ANKRD30BL: variants seen among roughly 807,000 people sequenced by gnomAD.
ANKRD30BL encodes ankyrin repeat domain 30B like.
Under a neutral mutation model 18.4 loss-of-function variants are expected in ANKRD30BL, and 20 were observed. The ratio of observed to expected loss-of-function variants is 1.09; its 90% CI spans 0.77 to 1.58. ANKRD30BL has a LOEUF of 1.58. Among genes scored for constraint, ANKRD30BL ranks in the 40% most tolerant of loss-of-function variants. ANKRD30BL has a pLI of 0.00. For synonymous variants in ANKRD30BL, 72 were observed against 100.9 expected, an observed-to-expected ratio of 0.71 and a Z score of 1.72; for missense variants, 224 against 268.6, an observed-to-expected ratio of 0.83 and a Z score of 1.16.
intron 1 of ANKRD30BL, among the ~76,000 whole-genome samples, chr2:132,191,329 A>G (rs370816871): frequency 3.3e-5 from 5 of 152,086 alleles, no homozygotes; most frequent in African/African-American, 1.2e-4. Flanking sequence ...CCATTTACAA[A>G]TGTTTCTATT....
chr2:132,254,182 C>T (rs1326968048), intron 1 of ANKRD30BL, among the ~76,000 whole-genome samples: 3 of 152,138 alleles, frequency 2.0e-5, no homozygotes, highest in African/African-American at 7.2e-5. Flanking sequence ...ACACGCATGT[C>T]TCTTTCTACC....
At chr2:132,189,759 A>C (rs1455780991) in intron 1 of ANKRD30BL, among the ~76,000 whole-genome samples, 1 of 152,204 alleles carries the variant, frequency 6.6e-6, no homozygotes, top group East Asian at 1.9e-4. Flanking sequence ...TAAAAGAAGG[A>C]ATTTTGGCAA....
intron 1 of ANKRD30BL, among the ~76,000 whole-genome samples, chr2:132,215,145 G>T (rs952588186): frequency 6.6e-6 from 1 of 151,888 alleles, no homozygotes; most frequent in Non-Finnish European, 1.5e-5. Flanking sequence ...GTGGACATTT[G>T]GAGCGCTTTG....
chr2:132,164,053 T>C (rs1370438819), upstream of ANKRD30BL, among the ~76,000 whole-genome samples: 1 of 152,172 alleles, frequency 6.6e-6, no homozygotes, highest in Non-Finnish European at 1.5e-5. Context: ...CTTGCTTACA[T>C]GTAACCTCCC....
intron 4 of ANKRD30BL, among the ~76,000 whole-genome samples, chr2:132,151,633 AAT>A (rs1687760723): frequency 1.3e-5 from 2 of 151,854 alleles, no homozygotes; most frequent in African/African-American, 4.8e-5. Context: ...AAACAAAAAA[AAT>A]GTTTTTCTTC....
intron 1 of ANKRD30BL, among the ~76,000 whole-genome samples, chr2:132,173,804 G>T (rs141309581): frequency 0.038 from 5,787 of 152,116 alleles, 370 homozygotes; most frequent in African/African-American, 0.13. Flanking sequence ...TTATTATTAA[G>T]CAGAGAAAAT....
chr2:132,234,885 A>G (rs1404502370), intron 1 of ANKRD30BL, among the ~76,000 whole-genome samples: 3 of 152,200 alleles, frequency 2.0e-5, no homozygotes, highest in African/African-American at 7.2e-5. Flanking sequence ...CACAACCAAA[A>G]AAGAGAATTT....
chr2:132,236,020 T>C (rs1008980983), intron 1 of ANKRD30BL, among the ~76,000 whole-genome samples: 3 of 152,026 alleles, frequency 2.0e-5, no homozygotes, highest in Admixed American at 1.3e-4. Flanking sequence ...AACAGAGCCC[T>C]CAGAAATAAT....
upstream of ANKRD30BL, among the ~76,000 whole-genome samples, chr2:132,166,636 AGTCAT>A (rs1688192117): frequency 4.6e-5 from 7 of 152,100 alleles, no homozygotes; most frequent in Admixed American, 3.9e-4. Context: ...CAAAATCAGT[AGTCAT>A]AACCCATACC....
In ANKRD30BL at chr2:132,215,021, A is replaced by G. The variant is rs187227378; in HGVS notation, n.441+42508T>C. On this transcript the variant is annotated intron_variant and non_coding_transcript_variant, in intron 1 of 4. Coordinates refer to the ANKRD30BL transcript ENST00000470729. The stretch of plus-strand genomic sequence containing the variant: ...GGAAAAAGAAATATCTTCCCATAAA[A>G]ACTAGATATAATCATCCTGAGAAAA... Among the ~76,000 whole-genome samples the G allele has an allele frequency of 1.6e-3, 239 of 152,076 alleles. 1 individual carries two copies. Among genetic ancestry groups the G allele is most frequent in the African/African-American group, 5.4e-3 (225 of 41,516 alleles).
chr2:132,255,015 T>C (rs1468270657), intron 1 of ANKRD30BL, among the ~76,000 whole-genome samples: 2 of 152,148 alleles, frequency 1.3e-5, no homozygotes, highest in African/African-American at 4.8e-5. Context: ...TCCTTTAAGT[T>C]TCAGCTTTGC....
At chr2:132,205,070 C>T (rs994606655) in intron 1 of ANKRD30BL, among the ~76,000 whole-genome samples, 27 of 152,288 alleles carry the variant, frequency 1.8e-4, no homozygotes, top group East Asian at 1.4e-3. Flanking sequence ...ATGAATACAA[C>T]TCGCAAAACA....
At chr2:132,196,099 G>A (rs1317799630) in intron 1 of ANKRD30BL, among the ~76,000 whole-genome samples, 3 of 148,258 alleles carry the variant, frequency 2.0e-5, no homozygotes, top group African/African-American at 7.5e-5. Flanking sequence ...CTGAGATCGC[G>A]CCACTGCACG....
chr2:132,236,518 G>GA (rs1160411855), intron 1 of ANKRD30BL, among the ~76,000 whole-genome samples: 1 of 152,016 alleles, frequency 6.6e-6, no homozygotes, highest in Non-Finnish European at 1.5e-5. Flanking sequence ...AAAAACACAT[G>GA]AAAAAATGCT....
chr2:132,225,803 T>C (rs547949931), intron 1 of ANKRD30BL, among the ~76,000 whole-genome samples: 18 of 152,134 alleles, frequency 1.2e-4, no homozygotes, highest in African/African-American at 4.1e-4. Flanking sequence ...GTTGGAGTGC[T>C]TTGAGGCGTA....
At chr2:132,247,851 A>G (rs1215027839) in intron 1 of ANKRD30BL, among the ~76,000 whole-genome samples, 1 of 152,088 alleles carries the variant, frequency 6.6e-6, no homozygotes, top group Non-Finnish European at 1.5e-5. Flanking sequence ...TTCATAAGAA[A>G]GTTTCTACAC....
At chr2:132,174,512 A>G (rs1346322790) in intron 1 of ANKRD30BL, among the ~76,000 whole-genome samples, 1 of 152,140 alleles carries the variant, frequency 6.6e-6, no homozygotes, top group African/African-American at 2.4e-5. Context: ...TTAAAAAAAA[A>G]TACAGAACTA....
intron 1 of ANKRD30BL, among the ~76,000 whole-genome samples, 169 bp from the exon 2 acceptor site, chr2:132,157,592 A>T (rs890442220): frequency 6.6e-6 from 1 of 152,236 alleles, no homozygotes; most frequent in African/African-American, 2.4e-5. Flanking sequence ...ATTACTCACT[A>T]CATTAATGAA....
At chr2:132,220,548 T>A (rs1679646449) in intron 1 of ANKRD30BL, among the ~76,000 whole-genome samples, 1 of 151,804 alleles carries the variant, frequency 6.6e-6, no homozygotes, top group Non-Finnish European at 1.5e-5. Context: ...TTTTTTTTGG[T>A]GGAGACGGGG....
Sources: allele counts gnomAD v4.1 joint callset (sites outside exome capture counted in the v4.1 genomes callset), GRCh38; gene constraint gnomAD v4.1.1; transcripts MANE v1.5; gene names NCBI Gene and HGNC (gene_info 2026-07-23, HGNC 2026-07-21).